Variants in RYR1 observed in about 807,000 individuals in gnomAD.
RYR1 encodes the protein ryanodine receptor 1.
In RYR1, 342 loss-of-function variants were observed where a neutral mutation model predicts 583.5. The ratio of observed to expected loss-of-function variants is 0.59; its 90% CI spans 0.54 to 0.64. RYR1 has a LOEUF of 0.64. RYR1 is among the 30% of genes least tolerant of loss of function. The pLI, the probability that RYR1 is intolerant of heterozygous loss-of-function variation, is 0.00. For synonymous variants in RYR1, 2,791 were observed against 2,822.5 expected (o/e 0.99, Z 0.35); for missense variants, 6,032 against 6,917.2 (o/e 0.87, Z 4.54).
At chr19:38,562,290 A>G (rs1471784100) in intron 90 of RYR1, among the ~76,000 whole-genome samples, 2 of 151,690 alleles carry the variant, frequency 1.3e-5, no homozygotes, top group South Asian at 2.1e-4. Flanking sequence ...CATCCCTCAC[A>G]CACTCGCTTG....
In RYR1 at chr19:38,514,932, C is replaced by G. The variant is rs1970889216; in HGVS notation, c.9473-94C>G. ...CTGGCTGTACATCTGCTTGCTCTTC[C>G]CCACTGCATGGGCCTATTTGAGACA... On this transcript the variant is annotated intron_variant, in intron 63 of 105. Transcript: ENST00000359596. 13 of 813,478 alleles carry G rather than the reference C, an allele frequency of 1.6e-5. No individual in the cohort carries two copies. The South Asian group carries it at 1.8e-4, about 11-fold the overall frequency. 50.4% of individuals were successfully genotyped at this position (813,478 alleles called of 1,614,324 possible). A position where few individuals can be genotyped will look rare whatever the true frequency, so the allele number is the denominator to read the frequency against.
chr19:38,580,699 A>T (rs541675878), intron 101 of RYR1, among the ~76,000 whole-genome samples, 195 bp downstream of exon 101: 115 of 152,002 alleles, frequency 7.6e-4, no homozygotes, highest in African/African-American at 2.6e-3. Context: ...TGTCTCTATA[A>T]AAAAAAATTT....
chr19:38,449,075 A>G (rs950598774), intron 11 of RYR1, among the ~76,000 whole-genome samples: 1 of 152,158 alleles, frequency 6.6e-6, no homozygotes, highest in African/African-American at 2.4e-5. Flanking sequence ...CTACATGGAG[A>G]GAGAGAGAGA....
Position 38,507,692 on chromosome 19 carries a change from C to A in RYR1, c.8817-20C>A. 2 of 1,489,100 alleles carry A rather than the reference C, an allele frequency of 1.3e-6. No homozygotes were observed. Among genetic ancestry groups the A allele is most frequent in the Non-Finnish European group, 1.9e-6 (2 of 1,066,120 alleles). The allele number at this position is 1,489,100 out of a possible 1,614,324, so 92.2% of individuals were successfully genotyped here. ...AGGGCCGGCGTCTGGGCTGATCCTT[C>A]TCTCCACATCTCCATGCAGAGGCCT... On this transcript the variant is annotated intron_variant, in intron 57 of 105. Transcript: ENST00000359596.
chr19:38,569,936 G>T (rs1973635892), intron 93 of RYR1, among the ~76,000 whole-genome samples: 1 of 152,160 alleles, frequency 6.6e-6, no homozygotes, highest in Non-Finnish European at 1.5e-5. Flanking sequence ...GGCTGAGGTG[G>T]GTGGATCACC....
Position 38,475,293 on chromosome 19 carries a change from A to G in RYR1, c.4161-25A>G, listed in dbSNP as rs781718701. On this transcript the variant is annotated intron_variant, in intron 28 of 105. Transcript: ENST00000359596. ...GGGCTGGGCTTGAAAGCTGGCTCTC[A>G]TGGCGCCTCTCCTCCCACTACCAGC... The G allele has an allele frequency of 1.3e-6, 2 of 1,557,996 alleles. No individual in the cohort carries two copies. The highest frequency in any genetic ancestry group is 1.2e-5 in the South Asian group (1 of 84,798).
In RYR1 at chr19:38,565,072, C is replaced by T. The variant is rs755175933; in HGVS notation, c.12738C>T (p.Ile4246=). ...AGGACACCATCTTCGAGATGCAGAT[C>T]GCCGCGCAGATCTCGGAGCCCGAGG... ...FCEDTIFEMQ[I]AAQISEPEGE... Residue 4246 remains isoleucine (I), a synonymous_variant, in exon 91 of 106, where the codon ATC becomes ATT. Coordinates refer to ENST00000359596, the MANE Select transcript of RYR1 (RefSeq NM_000540.3). The surrounding 1 kb of genome is among the most constrained non-coding windows in gnomAD (Gnocchi z 4.7). 19 of 1,561,108 alleles carry T rather than the reference C, an allele frequency of 1.2e-5. No individual in the cohort carries two copies. The highest frequency in any genetic ancestry group is 1.6e-5 in the Non-Finnish European group (18 of 1,154,582).
intron 3 of RYR1, 41 bp from the exon 4 acceptor site, chr19:38,443,517 C>CGGGGATCT: frequency 6.3e-7 from 1 of 1,577,140 alleles, no homozygotes. Flanking sequence ...CTGGAGAGTC[C>CGGGGATCT]GGGGATCTGT....
At chr19:38,477,502 A>C (rs1051125520) in intron 29 of RYR1, among the ~76,000 whole-genome samples, 2 of 152,166 alleles carry the variant, frequency 1.3e-5, no homozygotes, top group African/African-American at 4.8e-5. Context: ...TGGCACTGTC[A>C]CACAATATTC....
chr19:38,517,804 G>A (rs1971044112), intron 66 of RYR1, 113 bp downstream of exon 66: 4 of 1,063,276 alleles, frequency 3.8e-6, no homozygotes, highest in Admixed American at 4.3e-5. Flanking sequence ...GAGTCAGAGT[G>A]TAGGTTTTTT....
chr19:38,529,909 G>A (rs1391799350), intron 76 of RYR1, among the ~76,000 whole-genome samples: 2 of 152,060 alleles, frequency 1.3e-5, no homozygotes, highest in Admixed American at 6.6e-5. Flanking sequence ...ACTGTGAGAC[G>A]GATTATTGCA....
intron 2 of RYR1, among the ~76,000 whole-genome samples, 169 bp downstream of exon 2, chr19:38,441,033 G>T (rs2304146): frequency 7.1e-6 from 1 of 141,468 alleles, no homozygotes; most frequent in Non-Finnish European, 1.5e-5. Context: ...AGGGGTGGAG[G>T]TCTGAGAAGG....
At chr19:38,497,002 C>T (rs778408148) in intron 42 of RYR1, 48 bp downstream of exon 42, 14 of 1,520,574 alleles carry the variant, frequency 9.2e-6, no homozygotes, top group Middle Eastern at 1.8e-4. Flanking sequence ...GAAATCGGGC[C>T]GCTACCCGGC....
rs755074634 is a variant in RYR1, at chr19:38,532,657, T to C, written c.11194-14T>C. 6.2e-7 allele frequency: 1 copy of C among 1,614,000 alleles called. No individual in the cohort carries two copies. The highest frequency in any genetic ancestry group is 1.1e-5 in the South Asian group (1 of 91,058). On this transcript the variant is annotated splice_polypyrimidine_tract_variant and intron_variant, in intron 77 of 105. Transcript: ENST00000359596. ...TCTGCTTTGTTCATCCCTTAACTGA[T>C]GCCCCCTCCCCAGAGCTGCCACCTG...
chr19:38,558,750 G>A (rs1972989471), intron 89 of RYR1, among the ~76,000 whole-genome samples: 1 of 152,072 alleles, frequency 6.6e-6, no homozygotes, highest in Admixed American at 6.6e-5. Flanking sequence ...CTGCACTCCA[G>A]CCTGGGTGAC....
chr19:38,483,478 G>A lies in RYR1; in HGVS notation c.4896G>A (p.Pro1632=), dbSNP rs750941597. The A allele has an allele frequency of 2.6e-6, 4 of 1,561,424 alleles. No individual in the cohort carries two copies. Among genetic ancestry groups the A allele is most frequent in the Admixed American group, 1.9e-5 (1 of 52,588 alleles). ...GCTGGGCCGTGCAGTGCCAGGAGCC[G>A]CTGACCATGATGGCGCTGCACATCC... The part of the protein sequence containing the change: ...RLGWAVQCQE[P]LTMMALHIPE... Residue 1632 remains proline (P), a synonymous_variant, in exon 33 of 106, where the codon CCG becomes CCA. Transcript: ENST00000359596. This position sits in a 1 kb window ranked among gnomAD's most constrained non-coding sequence, Gnocchi z 6.3.
chr19:38,572,752 C>T (rs1568594980), intron 95 of RYR1, among the ~76,000 whole-genome samples: 1 of 152,008 alleles, frequency 6.6e-6, no homozygotes. Flanking sequence ...GGCCCGATCC[C>T]TCTGCCTGTG....
chr19:38,466,602 C>T (rs1968124192), intron 24 of RYR1, among the ~76,000 whole-genome samples: 1 of 151,390 alleles, frequency 6.6e-6, no homozygotes, highest in African/African-American at 2.4e-5. Context: ...CCTGGGTTCA[C>T]ACCATTCTCC....
chr19:38,581,828 G>A (rs1008118430), intron 101 of RYR1, among the ~76,000 whole-genome samples: 6 of 149,142 alleles, frequency 4.0e-5, no homozygotes, highest in Non-Finnish European at 7.4e-5. Flanking sequence ...GGCTTGTCTC[G>A]AACTCCTGAC....
Sources: allele counts gnomAD v4.1 joint callset (sites outside exome capture counted in the v4.1 genomes callset), GRCh38; gene constraint gnomAD v4.1.1; non-coding constraint Gnocchi (gnomAD v3.1); transcripts MANE v1.5; gene names NCBI Gene and HGNC (gene_info 2026-07-23, HGNC 2026-07-21).